Variants in AUH observed in about 807,000 individuals in gnomAD.
The protein encoded by AUH is AU RNA binding methylglutaconyl-CoA hydratase.
A neutral mutation model predicts 42.3 loss-of-function variants in AUH; 29 were observed. The observed-to-expected ratio is 0.69, with a 90% confidence interval of 0.51 to 0.93. The LOEUF is 0.93. Among genes scored for constraint, AUH ranks in the 40% least tolerant of loss-of-function variants. The pLI, the probability that AUH is intolerant of heterozygous loss-of-function variation, is 0.00. For synonymous variants in AUH, 174 were observed against 166.4 expected, an observed-to-expected ratio of 1.05 and a Z score of -0.35; for missense variants, 452 against 438.1, an observed-to-expected ratio of 1.03 and a Z score of -0.28.
intron 6 of AUH, among the ~76,000 whole-genome samples, chr9:91,283,952 A>G (rs1159913136): frequency 2.6e-5 from 4 of 152,128 alleles, no homozygotes; most frequent in Admixed American, 2.0e-4. Flanking sequence ...ACAGAATTAG[A>G]AAAAACTACT....
At chr9:91,264,837 T>C (rs890880281) in intron 6 of AUH, among the ~76,000 whole-genome samples, 1 of 152,218 alleles carries the variant, frequency 6.6e-6, no homozygotes, top group African/African-American at 2.4e-5. Context: ...TGCTATCTTA[T>C]ATCTAGACAT....
At chr9:91,252,201 G>A (rs1226519064) in intron 6 of AUH, among the ~76,000 whole-genome samples, 1 of 151,898 alleles carries the variant, frequency 6.6e-6, no homozygotes, top group Non-Finnish European at 1.5e-5. Context: ...TCCTGACCTC[G>A]TGATCTGCCT....
intron 3 of AUH, among the ~76,000 whole-genome samples, chr9:91,345,626 G>T (rs1483186049): frequency 6.6e-6 from 1 of 152,092 alleles, no homozygotes; most frequent in African/African-American, 2.4e-5. Flanking sequence ...GAGATCAGGA[G>T]ATCGAGACCA....
chr9:91,266,102 C>A lies in AUH; in HGVS notation c.655+29919G>T, dbSNP rs550628398. Among the ~76,000 whole-genome samples the A allele has an allele frequency of 2.0e-3, 297 of 152,196 alleles. 1 individual carries two copies. The highest frequency in any genetic ancestry group is 6.7e-3 in the African/African-American group (279 of 41,514). The stretch of plus-strand genomic sequence containing the variant: ...TTACGGCCGGGCACGGTGGCTCATG[C>A]GTGTAATCCCAGCACTTTGGGAGGC... On this transcript the variant is annotated intron_variant, in intron 6 of 9. Coordinates refer to ENST00000375731, the MANE Select transcript of AUH (RefSeq NM_001698.3).
chr9:91,219,398 G>A (rs1201748456), intron 7 of AUH, among the ~76,000 whole-genome samples: 1 of 152,188 alleles, frequency 6.6e-6, no homozygotes, highest in East Asian at 1.9e-4. Context: ...GCCAAGGTAA[G>A]TTATAACACC....
At chr9:91,237,688 A>G (rs1022939783) in intron 6 of AUH, among the ~76,000 whole-genome samples, 2 of 150,290 alleles carry the variant, frequency 1.3e-5, no homozygotes, top group Non-Finnish European at 3.0e-5. Context: ...ATCTTTGACC[A>G]GTGAGGACTT....
intron 6 of AUH, among the ~76,000 whole-genome samples, chr9:91,227,685 G>C (rs1315551691): frequency 6.7e-6 from 1 of 148,202 alleles, no homozygotes; most frequent in Non-Finnish European, 1.5e-5. Context: ...TATTGGCTGT[G>C]GGTTTGTCAT....
chr9:91,257,295 G>A (rs1389332076), intron 6 of AUH, among the ~76,000 whole-genome samples: 4 of 151,754 alleles, frequency 2.6e-5, no homozygotes, highest in African/African-American at 9.7e-5. Flanking sequence ...AGAGACTACT[G>A]GGCACTGCCA....
intron 6 of AUH, among the ~76,000 whole-genome samples, chr9:91,239,405 T>C (rs1009108985): frequency 6.6e-6 from 1 of 152,168 alleles, no homozygotes; most frequent in Non-Finnish European, 1.5e-5. Context: ...CCTTGAACCA[T>C]GGGAGGAAAC....
chr9:91,298,150 T>C (rs1241905381), intron 4 of AUH, 74 bp from the exon 5 acceptor site: 2 of 1,224,764 alleles, frequency 1.6e-6, no homozygotes, highest in Non-Finnish European at 2.4e-6. Context: ...TTTAATTTTT[T>C]TCTGTGAATT....
intron 4 of AUH, among the ~76,000 whole-genome samples, chr9:91,315,400 T>C (rs1218100097): frequency 6.6e-6 from 1 of 152,202 alleles, no homozygotes; most frequent in Admixed American, 6.5e-5. Flanking sequence ...CTGCAGCTTA[T>C]TGACTATGTA....
At chr9:91,337,526 T>C (rs1830782581) in intron 3 of AUH, among the ~76,000 whole-genome samples, 1 of 152,192 alleles carries the variant, frequency 6.6e-6, no homozygotes, top group Admixed American at 6.5e-5. Context: ...GGGCTCCAGC[T>C]TGGATTGCAG....
At chr9:91,243,729 C>T (rs7034496) in intron 6 of AUH, among the ~76,000 whole-genome samples, 6,337 of 152,206 alleles carry the variant, frequency 0.042, 418 homozygotes, top group African/African-American at 0.14. Context: ...GAGATCAGCC[C>T]GGGTGGAGCA....
chr9:91,327,763 G>A (rs1283888100), intron 3 of AUH, among the ~76,000 whole-genome samples: 1 of 152,210 alleles, frequency 6.6e-6, no homozygotes, highest in Non-Finnish European at 1.5e-5. Context: ...CTATGGGAGT[G>A]AAGAGCTGCA....
chr9:91,275,451 A>G (rs1825467262), intron 6 of AUH, among the ~76,000 whole-genome samples: 1 of 152,156 alleles, frequency 6.6e-6, no homozygotes, highest in Admixed American at 6.5e-5. Flanking sequence ...GTGATTTCTC[A>G]TTTTTCAAAC....
intron 6 of AUH, among the ~76,000 whole-genome samples, chr9:91,229,243 T>C (rs931635940): frequency 3.4e-5 from 5 of 148,438 alleles, no homozygotes; most frequent in Non-Finnish European, 6.0e-5. Flanking sequence ...TGCTCCTGTA[T>C]TGGGTGCATA....
At chr9:91,268,496 T>C (rs577835628) in intron 6 of AUH, among the ~76,000 whole-genome samples, 4 of 152,198 alleles carry the variant, frequency 2.6e-5, no homozygotes, top group Admixed American at 6.5e-5. Flanking sequence ...AGTGGCGCCA[T>C]CTCGGCTCAC....
At chr9:91,355,774 A>G in intron 3 of AUH, 109 bp downstream of exon 3, 1 of 894,764 alleles carries the variant, frequency 1.1e-6, no homozygotes, top group Non-Finnish European at 1.8e-6. Flanking sequence ...GACAAAGAGG[A>G]GTTGTTGGTA....
rs114940856 is a variant in AUH, at chr9:91,217,872, T to A, written c.844-545A>T. 4.1e-4 allele frequency among the ~76,000 whole-genome samples: 62 copies of A among 152,226 alleles called. 1 individual carries two copies. The highest frequency in any genetic ancestry group is 1.4e-3 in the African/African-American group (59 of 41,526). ...TCCCACAGCACACATAAATATGAAG[T>A]CTACATAAGTCTTTCAGGATGCAGA... On this transcript the variant is annotated intron_variant, in intron 7 of 9. Coordinates refer to ENST00000375731, the MANE Select transcript of AUH (RefSeq NM_001698.3).
Sources: gnomAD v4.1 joint callset for allele counts (sites outside exome capture counted in the v4.1 genomes callset) on GRCh38, gnomAD v4.1.1 for gene constraint, MANE v1.5 for transcripts, NCBI Gene and HGNC (gene_info 2026-07-23, HGNC 2026-07-21) for gene names.